NIBAN1: variants seen among roughly 807,000 people sequenced by gnomAD.
The protein encoded by NIBAN1 is protein Niban 1.
NIBAN1 carries 81 observed loss-of-function variants against 75.1 expected under a neutral mutation model. The observed-to-expected ratio is 1.08, with a 90% CI of 0.90 to 1.30. NIBAN1 has a LOEUF of 1.30. Among genes scored for constraint, NIBAN1 ranks in the 50% most tolerant of loss-of-function variants. The pLI is 0.00. For synonymous variants in NIBAN1, 436 were observed against 424.8 expected, an observed-to-expected ratio of 1.03 and a Z score of -0.32; for missense variants, 1,133 against 1,128.1, an observed-to-expected ratio of 1.00 and a Z score of -0.06.
chr1:184,824,084 A>C (rs1379168507), intron 6 of NIBAN1, among the ~76,000 whole-genome samples: 1 of 152,198 alleles, frequency 6.6e-6, no homozygotes, highest in Non-Finnish European at 1.5e-5. Context: ...ATAATGGATA[A>C]GGACATCTTC....
chr1:184,855,286 T>C (rs1655646661), intron 5 of NIBAN1, among the ~76,000 whole-genome samples: 1 of 152,232 alleles, frequency 6.6e-6, no homozygotes, highest in South Asian at 2.1e-4. Flanking sequence ...TGGGTTTACG[T>C]TACAATCAAG....
chr1:184,917,298 G>A (rs895345046), intron 1 of NIBAN1, among the ~76,000 whole-genome samples: 1 of 150,554 alleles, frequency 6.6e-6, no homozygotes, highest in East Asian at 1.9e-4. Flanking sequence ...TCCACCTCCC[G>A]GGTTCATGCC....
intron 1 of NIBAN1, among the ~76,000 whole-genome samples, chr1:184,935,798 T>C (rs1657941664): frequency 6.6e-6 from 1 of 151,418 alleles, no homozygotes; most frequent in African/African-American, 2.4e-5. Context: ...GGGTTTTTTT[T>C]TTTTTAAGTT....
intron 5 of NIBAN1, among the ~76,000 whole-genome samples, chr1:184,843,765 T>G (rs189022340): frequency 6.6e-6 from 1 of 152,218 alleles, no homozygotes; most frequent in Admixed American, 6.5e-5. Flanking sequence ...GAGAAAAAAA[T>G]TACACCACAA....
At chr1:184,930,117 A>C (rs1657782649) in intron 1 of NIBAN1, among the ~76,000 whole-genome samples, 1 of 152,220 alleles carries the variant, frequency 6.6e-6, no homozygotes, top group South Asian at 2.1e-4. Context: ...TGTCTCTTAC[A>C]GACTTTTCAG....
At chr1:184,804,793 T>G (rs1363557037) in intron 11 of NIBAN1, among the ~76,000 whole-genome samples, 1 of 151,618 alleles carries the variant, frequency 6.6e-6, no homozygotes, top group East Asian at 1.9e-4. Context: ...TGTTTTTTTG[T>G]TTTTTGTTTT....
At chr1:184,972,960 C>A (rs1482688061) in intron 1 of NIBAN1, among the ~76,000 whole-genome samples, 1 of 152,220 alleles carries the variant, frequency 6.6e-6, no homozygotes, top group African/African-American at 2.4e-5. Flanking sequence ...TGCTAACATT[C>A]AAATGCAAGC....
chr1:184,946,029 G>A (rs115523486), intron 1 of NIBAN1, among the ~76,000 whole-genome samples: 3,175 of 151,334 alleles, frequency 0.021, 101 homozygotes, highest in African/African-American at 0.072. Context: ...GGCTCCTCAA[G>A]AACAAATGCA....
At chr1:184,831,374 C>T (rs554425796) in intron 6 of NIBAN1, among the ~76,000 whole-genome samples, 60 of 152,314 alleles carry the variant, frequency 3.9e-4, no homozygotes, top group African/African-American at 1.4e-3. Flanking sequence ...CTGCACTTCA[C>T]TTGTCACGAT....
chr1:184,905,533 C>T (rs1657072486), intron 1 of NIBAN1, among the ~76,000 whole-genome samples: 1 of 152,156 alleles, frequency 6.6e-6, no homozygotes, highest in South Asian at 2.1e-4. Flanking sequence ...TTTCCCACTT[C>T]TTTCACTCAA....
At chr1:184,963,601 T>C (rs1246936230) in intron 1 of NIBAN1, among the ~76,000 whole-genome samples, 1 of 152,200 alleles carries the variant, frequency 6.6e-6, no homozygotes, top group Non-Finnish European at 1.5e-5. Context: ...CAAAATAGCT[T>C]TCTGGTGCTC....
At chr1:184,902,931 C>T (rs1254264565) in intron 1 of NIBAN1, among the ~76,000 whole-genome samples, 3 of 152,172 alleles carry the variant, frequency 2.0e-5, no homozygotes, top group Non-Finnish European at 4.4e-5. Flanking sequence ...GTGCCTGACA[C>T]ATATTAGTTG....
intron 2 of NIBAN1, among the ~76,000 whole-genome samples, chr1:184,897,282 GT>G (rs1172487840): frequency 7.4e-6 from 1 of 135,204 alleles, no homozygotes; most frequent in Non-Finnish European, 1.5e-5. Context: ...TCCTAAGTGT[GT>G]GTGTGTGTGT....
intron 1 of NIBAN1, among the ~76,000 whole-genome samples, chr1:184,964,913 C>G (rs1658741457): frequency 6.6e-6 from 1 of 152,102 alleles, no homozygotes; most frequent in Non-Finnish European, 1.5e-5. Flanking sequence ...CAGTTCAACC[C>G]CCAGTGAATT....
chr1:184,864,521 A>G (rs57144153), intron 5 of NIBAN1, among the ~76,000 whole-genome samples: 11,991 of 152,112 alleles, frequency 0.079, 1,589 homozygotes, highest in African/African-American at 0.27. Context: ...AAGCCACTTC[A>G]TTGTGAGAGG....
rs150178937 is a variant in NIBAN1, at chr1:184,833,599, G to A, written c.602-1637C>T. Among the ~76,000 whole-genome samples, 106 of 152,188 alleles carry A rather than the reference G, an allele frequency of 7.0e-4. 1 individual carries two copies. The highest frequency in any genetic ancestry group is 2.6e-3 in the African/African-American group (106 of 41,508). The stretch of plus-strand genomic sequence containing the variant: ...TGCCCATAGTCCCAGCCCCTCAGGA[G>A]GCTGAGGCAGGAGGATCACTTGAAC... On this transcript the variant is annotated intron_variant, in intron 5 of 13. Transcript: ENST00000367511.
chr1:184,894,056 T>G lies in NIBAN1; in HGVS notation c.318+19A>C. 6.3e-7 allele frequency: 1 copy of G among 1,586,444 alleles called. No homozygotes were observed. Among genetic ancestry groups the G allele is most frequent in the Non-Finnish European group, 8.6e-7 (1 of 1,169,224 alleles). ...TTAAGAACAGTGTAAGAATCAGTAGTAACAAAGAAGTGTCTTACCTCTTTA... is the reference window on the plus strand; with the variant it reads ...TTAAGAACAGTGTAAGAATCAGTAGGAACAAAGAAGTGTCTTACCTCTTTA... On this transcript the variant is annotated intron_variant, in intron 3 of 13. Transcript: ENST00000367511.
chr1:184,860,166 G>A (rs539387368), intron 5 of NIBAN1, among the ~76,000 whole-genome samples: 7 of 152,010 alleles, frequency 4.6e-5, no homozygotes, highest in Admixed American at 3.9e-4. Context: ...GACTAATATA[G>A]GCCCAGACTG....
At chr1:184,881,451 C>T (rs1656376011) in intron 5 of NIBAN1, among the ~76,000 whole-genome samples, 1 of 151,650 alleles carries the variant, frequency 6.6e-6, no homozygotes, top group African/African-American at 2.4e-5. Flanking sequence ...TCCTGGAACC[C>T]CAAGCGAGAT....
Sources: allele counts gnomAD v4.1 joint callset (sites outside exome capture counted in the v4.1 genomes callset), GRCh38; gene constraint gnomAD v4.1.1; transcripts MANE v1.5; gene names NCBI Gene and HGNC (gene_info 2026-07-23, HGNC 2026-07-21).